The following ATP6V1B1 variants were observed in gnomAD, a reference collection of about 807,000 sequenced individuals.
The protein encoded by ATP6V1B1 is V-type proton ATPase subunit B, kidney isoform.
ATP6V1B1 carries 41 observed loss-of-function variants against 62.1 expected under a neutral mutation model. The observed-to-expected ratio is 0.66, with a 90% confidence interval of 0.51 to 0.86. The LOEUF (loss-of-function observed/expected upper bound fraction) is 0.86. ATP6V1B1 is among the 40% of genes least tolerant of loss of function. The probability of loss-of-function intolerance (pLI) is 0.00; values close to 1 mark genes in which losing one functional copy is unlikely to be tolerated. For synonymous variants in ATP6V1B1, 253 were observed against 273.4 expected (o/e 0.93, Z 0.74); for missense variants, 651 against 697.5 (o/e 0.93, Z 0.75).
chr2:70,938,218 C>A (rs1473261033), intron 1 of ATP6V1B1, among the ~76,000 whole-genome samples: 1 of 152,160 alleles, frequency 6.6e-6, no homozygotes, highest in Non-Finnish European at 1.5e-5. Context: ...CCCCTCCCCG[C>A]CTCACTCACT....
In ATP6V1B1 at chr2:70,965,062, G is replaced by T. The variant is rs1558681213; in HGVS notation, c.1483G>T (p.Asp495Tyr). ...GAAGCGCATTCCGCAGGCCGTGATC[G>T]ACGAGTTCTATTCCCGCGAGGGGGC... ...MLKRIPQAVI[D>Y]EFYSREGALQ... Residue 495 changes from aspartate (D) to tyrosine (Y), a missense_variant, in exon 14 of 14, where the codon GAC (aspartate) becomes TAC (tyrosine). Physicochemically the swap from Asp to Tyr is radical, Grantham distance 160 (BLOSUM62 -3). Transcript: ENST00000234396. The T allele has an allele frequency of 1.5e-5, 25 of 1,613,408 alleles. No individual in the cohort carries two copies. The highest frequency in any genetic ancestry group is 2.1e-5 in the Non-Finnish European group (25 of 1,180,042).
Position 70,964,765 on chromosome 2 carries a change from G to C in ATP6V1B1, c.1278G>C (p.Val426=), listed in dbSNP as rs1680680040. ...CCTGCTATGCCATCGGGAAGGACGT[G>C]CAGGCCATGAAGGCAGTAGTTGGGG... is the stretch of plus-strand genomic sequence containing the variant. The part of the protein sequence containing the change: ...LYACYAIGKD[V]QAMKAVVGEE... Residue 426 remains valine, a synonymous_variant, in exon 13 of 14, where the codon GTG becomes GTC. Transcript: ENST00000234396. 2 of 1,613,904 alleles carry C rather than the reference G, an allele frequency of 1.2e-6. No individual in the cohort carries two copies. Among genetic ancestry groups the C allele is most frequent in the Non-Finnish European group, 1.7e-6 (2 of 1,180,044 alleles).
At chr2:70,936,654 G>A (rs1373601899) in intron 1 of ATP6V1B1, among the ~76,000 whole-genome samples, 1 of 152,152 alleles carries the variant, frequency 6.6e-6, no homozygotes, top group Non-Finnish European at 1.5e-5. Context: ...TTGGGGTAAG[G>A]AAATGTGTGA....
intron 2 of ATP6V1B1, among the ~76,000 whole-genome samples, chr2:70,949,213 C>CTCT (rs1680263811): frequency 6.6e-6 from 1 of 152,028 alleles, no homozygotes; most frequent in African/African-American, 2.4e-5. Context: ...CCCTTGAGAG[C>CTCT]CAAGGGACTG....
intron 2 of ATP6V1B1, among the ~76,000 whole-genome samples, chr2:70,953,207 C>T (rs1390794671): frequency 7.2e-5 from 11 of 152,222 alleles, no homozygotes; most frequent in African/African-American, 2.7e-4. Context: ...CTCAAGCGAT[C>T]TGCCCACCTC....
rs782054159 is a variant in ATP6V1B1, at chr2:70,959,913, A to G, written c.446-26A>G. ...CAGGGAAGGGTTTGAACCCCTGAGC[A>G]TGGCTCTGTGATCGCCCTCTCCCAG... On this transcript the variant is annotated intron_variant, in intron 5 of 13. Transcript: ENST00000234396. This position sits in a 1 kb window ranked among gnomAD's most constrained non-coding sequence, Gnocchi z 4.2. 4 of 1,614,084 alleles carry G rather than the reference A, an allele frequency of 2.5e-6. No individual in the cohort carries two copies. The highest frequency in any genetic ancestry group is 3.3e-5 in the Admixed American group (2 of 60,022).
intron 2 of ATP6V1B1, among the ~76,000 whole-genome samples, chr2:70,946,892 G>A (rs1372953692): frequency 5.3e-5 from 8 of 152,182 alleles, no homozygotes; most frequent in South Asian, 2.1e-4. Flanking sequence ...GTGGTTTTGC[G>A]ACTATCGGAT....
rs782800648 is a variant in ATP6V1B1 at position 70,959,905 on chromosome 2, C to T, written c.446-34C>T. On this transcript the variant is annotated intron_variant, in intron 5 of 13. Transcript: ENST00000234396. The surrounding 1 kb of genome is among the most constrained non-coding windows in gnomAD (Gnocchi z 4.2). ...GAGGAGAGCAGGGAAGGGTTTGAAC[C>T]CCTGAGCATGGCTCTGTGATCGCCC... 6.2e-7 allele frequency: 1 copy of T among 1,614,070 alleles called. No individual in the cohort carries two copies. Among genetic ancestry groups the T allele is most frequent in the Non-Finnish European group, 8.5e-7 (1 of 1,180,018 alleles).
intron 2 of ATP6V1B1, 28 bp from the exon 3 acceptor site, chr2:70,958,018 T>A: frequency 1.2e-6 from 2 of 1,602,488 alleles, no homozygotes; most frequent in Non-Finnish European, 1.7e-6. Flanking sequence ...AGTCTCACTG[T>A]CACGTGGCTG....
chr2:70,960,984 C>T lies in ATP6V1B1; in HGVS notation c.649C>T (p.His217Tyr), dbSNP rs782286431. The T allele has an allele frequency of 6.2e-6, 10 of 1,605,002 alleles. No homozygotes were observed. The highest frequency in any genetic ancestry group is 8.5e-6 in the Non-Finnish European group (10 of 1,175,864). The change falls in exon 7 of 14, where the codon CAT becomes TAT. Residue 217 changes from histidine to tyrosine, a missense_variant. By Grantham distance (83) the His-to-Tyr change is moderately conservative. Coordinates refer to ENST00000234396, the MANE Select transcript of ATP6V1B1 (RefSeq NM_001692.4). The part of the protein sequence containing the change: ...VKKSKAVLDY[H>Y]DDNFAIVFAA... The stretch of plus-strand genomic sequence containing the variant: ...GAAGTCCAAGGCTGTGCTGGATTAC[C>T]ATGACGACAACTTCGCCATCGTCTT...
rs1346647972 is a variant in ATP6V1B1 at position 70,963,837 on chromosome 2, AC to A, written c.1143+185del. ...GACAGGCCTGAGCAGAATCTGGTTT[AC>A]CTGGCTCTGGGATCTTGAGAAGATA... On this transcript the variant is annotated intron_variant, in intron 11 of 13. Transcript: ENST00000234396. The surrounding 1 kb of genome is among the most constrained non-coding windows in gnomAD (Gnocchi z 4.3). Among the ~76,000 whole-genome samples, 1 of 152,212 alleles carries A rather than the reference AC, an allele frequency of 6.6e-6. No homozygotes were observed. The highest frequency in any genetic ancestry group is 1.5e-5 in the Non-Finnish European group (1 of 68,046).
intron 1 of ATP6V1B1, chr2:70,939,863 G>C (rs1171766685): frequency 6.6e-6 from 1 of 152,306 alleles, no homozygotes; most frequent in Non-Finnish European, 1.5e-5. Flanking sequence ...CGCCTAAGTG[G>C]ATTATCTGCA....
intron 2 of ATP6V1B1, among the ~76,000 whole-genome samples, chr2:70,951,134 G>T (rs942610666): frequency 6.6e-6 from 1 of 151,422 alleles, no homozygotes; most frequent in Non-Finnish European, 1.5e-5. Flanking sequence ...GTAGAGACAG[G>T]GTTTCACCAT....
At chr2:70,952,860 G>A (rs142793050) in intron 2 of ATP6V1B1, among the ~76,000 whole-genome samples, 9 of 152,146 alleles carry the variant, frequency 5.9e-5, no homozygotes, top group East Asian at 5.8e-4. Flanking sequence ...AGTTCCTCCC[G>A]TACAAGGCTG....
At position 70,963,939 on chromosome 2, in the gene ATP6V1B1, GA is replaced by G; in HGVS notation, c.1143+286del. The G allele has an allele frequency of 1.9e-6, 1 of 525,818 alleles. No homozygotes were observed. Among genetic ancestry groups the G allele is most frequent in the South Asian group, 2.0e-5 (1 of 49,192 alleles). 32.6% of individuals were successfully genotyped at this position (525,818 alleles called of 1,614,324 possible). A position where few individuals can be genotyped will look rare whatever the true frequency, so the allele number is the denominator to read the frequency against. On this transcript the variant is annotated intron_variant, in intron 11 of 13. Coordinates refer to ENST00000234396, the MANE Select transcript of ATP6V1B1 (RefSeq NM_001692.4). The surrounding 1 kb of genome is among the most constrained non-coding windows in gnomAD (Gnocchi z 4.3). ...AAATATATCACCCAGACGCATTGTG[GA>G]GGATAAAAATAAGTTGGCATATAGA...
intron 1 of ATP6V1B1, among the ~76,000 whole-genome samples, chr2:70,937,719 C>T (rs1436438008): frequency 1.3e-5 from 2 of 151,978 alleles, no homozygotes; most frequent in African/African-American, 4.8e-5. Flanking sequence ...TCTGCACCTT[C>T]ATGCTCTGCT....
intron 2 of ATP6V1B1, among the ~76,000 whole-genome samples, chr2:70,955,302 C>T (rs1222736909): frequency 6.6e-6 from 1 of 152,210 alleles, no homozygotes; most frequent in Non-Finnish European, 1.5e-5. Flanking sequence ...AGTGATCTTC[C>T]TTTCTCAGCT....
rs1418980727 is a variant in ATP6V1B1, at chr2:70,958,099, G to T, written c.228G>T (p.Arg76Ser). Residue 76 changes from arginine to serine, a missense_variant, in exon 3 of 14, where the codon AGG becomes AGT. Physicochemically the swap from Arg to Ser is moderately radical, Grantham distance 110. Transcript: ENST00000234396. ...TCACCCTCCCAGATGGGACTCAGAG[G>T]AGCGGGCAGGTGCTTGAGGTGGCTG... ...VHFTLPDGTQ[R>S]SGQVLEVAGT... 1.2e-6 allele frequency: 2 copies of T among 1,614,074 alleles called. No homozygotes were observed.
At chr2:70,958,251 G>C in intron 3 of ATP6V1B1, 82 bp from the exon 4 acceptor site, 7 of 1,594,518 alleles carry the variant, frequency 4.4e-6, no homozygotes, top group Non-Finnish European at 8.6e-7. Context: ...ATTTCCCTGA[G>C]AGCACAGAAA....
Sources: allele counts gnomAD v4.1 joint callset (sites outside exome capture counted in the v4.1 genomes callset), GRCh38; gene constraint gnomAD v4.1.1; non-coding constraint Gnocchi (gnomAD v3.1); transcripts MANE v1.5; gene names NCBI Gene and HGNC (gene_info 2026-07-23, HGNC 2026-07-21).